The following VAV1 variants were observed in gnomAD, a reference collection of about 807,000 sequenced individuals.
VAV1 encodes vav guanine nucleotide exchange factor 1, also known as proto-oncogene vav.
A neutral mutation model predicts 128.1 loss-of-function variants in VAV1; 33 were observed. The observed-to-expected ratio is 0.26, with a 90% CI of 0.20 to 0.34. The LOEUF (loss-of-function observed/expected upper bound fraction) is 0.34, where lower values mean the gene tolerates loss of function less well. Ranked by LOEUF, VAV1 falls within the 10% of genes least tolerant of loss-of-function variation. The probability of loss-of-function intolerance (pLI) is 1.00; values close to 1 mark genes in which losing one functional copy is unlikely to be tolerated. For synonymous variants in VAV1, 394 were observed against 409.8 expected, an observed-to-expected ratio of 0.96 and a Z score of 0.47; for missense variants, 715 against 1,093.7, an observed-to-expected ratio of 0.65 and a Z score of 4.88.
intron 24 of VAV1, among the ~76,000 whole-genome samples, chr19:6,852,475 A>G (rs922459180): frequency 6.6e-6 from 1 of 152,188 alleles, no homozygotes; most frequent in African/African-American, 2.4e-5. Flanking sequence ...TAATCCCAGC[A>G]CTTTGGGAGG....
At chr19:6,835,747 G>A (rs1171752030) in intron 19 of VAV1, 1 of 152,212 alleles carries the variant, frequency 6.6e-6, no homozygotes, top group East Asian at 1.9e-4. Flanking sequence ...ATTCCATTAT[G>A]TGATGATATC....
In VAV1 at chr19:6,813,186, C is replaced by T. The variant is rs530959929; in HGVS notation, c.205-7516C>T. Among the ~76,000 whole-genome samples the T allele has an allele frequency of 2.8e-4, 42 of 152,304 alleles. No homozygotes were observed. The South Asian group carries it at 8.1e-3, about 29-fold the overall frequency. ...TTCTAATGAGGTTGCACACAGATGT[C>T]GGCTGGGGCTGCAGTCATCTAAAGG... On this transcript the variant is annotated intron_variant, in intron 1 of 26. Transcript: ENST00000602142.
chr19:6,789,032 C>T (rs1174613857), intron 1 of VAV1, among the ~76,000 whole-genome samples: 1 of 152,196 alleles, frequency 6.6e-6, no homozygotes, highest in Non-Finnish European at 1.5e-5. Context: ...CTATCCATTT[C>T]ACACAAGTAG....
At chr19:6,794,544 G>A (rs1208194462) in intron 1 of VAV1, among the ~76,000 whole-genome samples, 2 of 152,148 alleles carry the variant, frequency 1.3e-5, no homozygotes, top group African/African-American at 4.8e-5. Flanking sequence ...CCAGATGGGT[G>A]TGGTGTCAAG....
At chr19:6,818,663 G>C (rs1185410965) in intron 1 of VAV1, among the ~76,000 whole-genome samples, 1 of 152,176 alleles carries the variant, frequency 6.6e-6, no homozygotes, top group Non-Finnish European at 1.5e-5. Context: ...GTTAGAATGA[G>C]GTCATCTGTG....
At chr19:6,779,195 G>T (rs1970711566) in intron 1 of VAV1, among the ~76,000 whole-genome samples, 1 of 151,090 alleles carries the variant, frequency 6.6e-6, no homozygotes, top group Non-Finnish European at 1.5e-5. Flanking sequence ...GGGACTACAG[G>T]TGTGCACCAG....
chr19:6,814,659 C>T (rs1032269346), intron 1 of VAV1, among the ~76,000 whole-genome samples: 110 of 35,426 alleles, frequency 3.1e-3, no homozygotes, highest in African/African-American at 0.015. Flanking sequence ...TTCCTTCCTT[C>T]CTTCCTTCCT....
At chr19:6,832,515 T>C (rs1186564142) in intron 15 of VAV1, among the ~76,000 whole-genome samples, 8 of 123,832 alleles carry the variant, frequency 6.5e-5, no homozygotes, top group Non-Finnish European at 1.1e-4. Context: ...CCTTTCCTCC[T>C]CCTCTTTCCT....
intron 14 of VAV1, among the ~76,000 whole-genome samples, chr19:6,831,260 TC>T (rs1438866935): frequency 1.3e-5 from 2 of 152,122 alleles, no homozygotes; most frequent in South Asian, 2.1e-4. Context: ...TGTGAACTCT[TC>T]CGTTCGCTTC....
At chr19:6,817,516 G>C (rs549749729) in intron 1 of VAV1, among the ~76,000 whole-genome samples, 2 of 152,058 alleles carry the variant, frequency 1.3e-5, no homozygotes, top group South Asian at 4.1e-4. Flanking sequence ...TACACATAAG[G>C]TACTATCATA....
intron 6 of VAV1, among the ~76,000 whole-genome samples, chr19:6,824,800 G>A (rs1971876611): frequency 6.6e-6 from 1 of 152,152 alleles, no homozygotes; most frequent in Non-Finnish European, 1.5e-5. Flanking sequence ...AAAGTGCTGG[G>A]ATTGCAGGCG....
At chr19:6,831,947 T>C in intron 14 of VAV1, 144 bp from the exon 15 acceptor site, 1 of 648,212 alleles carries the variant, frequency 1.5e-6, no homozygotes. Context: ...AGAAAGCCCT[T>C]TTACAAGGAT....
intron 8 of VAV1, among the ~76,000 whole-genome samples, chr19:6,825,687 A>G (rs79352536): frequency 0.016 from 2,406 of 152,296 alleles, 42 homozygotes; most frequent in East Asian, 0.06. Flanking sequence ...ACGGATGCAC[A>G]CAGGGCCTGG....
At chr19:6,853,466 G>A (rs771488023) in intron 25 of VAV1, among the ~76,000 whole-genome samples, 42 of 152,048 alleles carry the variant, frequency 2.8e-4, no homozygotes, top group Non-Finnish European at 3.2e-4. Context: ...GCTCATGCCT[G>A]TAACTCCAGC....
At chr19:6,842,356 T>C (rs867652502) in intron 21 of VAV1, among the ~76,000 whole-genome samples, 1 of 152,222 alleles carries the variant, frequency 6.6e-6, no homozygotes, top group Admixed American at 6.5e-5. Context: ...AGTGTAAATC[T>C]GCTCACCCTC....
intron 21 of VAV1, among the ~76,000 whole-genome samples, chr19:6,842,544 C>T (rs1043304065): frequency 7.2e-5 from 11 of 152,080 alleles, no homozygotes; most frequent in Admixed American, 2.6e-4. Context: ...TTTGGCTAGG[C>T]GTGGTGGCTC....
intron 1 of VAV1, among the ~76,000 whole-genome samples, chr19:6,796,606 T>C (rs1403023497): frequency 1.3e-5 from 2 of 152,218 alleles, no homozygotes; most frequent in Admixed American, 1.3e-4. Context: ...CTATTCCCTC[T>C]GCCTGAAATG....
intron 25 of VAV1, among the ~76,000 whole-genome samples, chr19:6,853,371 C>T (rs968208154): frequency 2.0e-5 from 3 of 151,474 alleles, no homozygotes; most frequent in Admixed American, 2.0e-4. Context: ...CTCTTGGGTT[C>T]GAGGGATTCT....
At chr19:6,799,893 T>C (rs1971227186) in intron 1 of VAV1, among the ~76,000 whole-genome samples, 1 of 150,194 alleles carries the variant, frequency 6.7e-6, no homozygotes, top group African/African-American at 2.4e-5. Context: ...AGAATCAAGC[T>C]GCTATGAACA....
Sources: gnomAD v4.1 joint callset for allele counts (sites outside exome capture counted in the v4.1 genomes callset) on GRCh38, gnomAD v4.1.1 for gene constraint, MANE v1.5 for transcripts, NCBI Gene and HGNC (gene_info 2026-07-23, HGNC 2026-07-21) for gene names.